TIAM1: variants seen among roughly 807,000 people sequenced by gnomAD.
The protein encoded by TIAM1 is rho guanine nucleotide exchange factor TIAM1.
In TIAM1, 65 loss-of-function variants were observed where a neutral mutation model predicts 163.5. The observed-to-expected ratio is 0.40, with a 90% CI of 0.33 to 0.49. TIAM1 has a LOEUF of 0.49. Among genes scored for constraint, TIAM1 ranks in the 20% least tolerant of loss-of-function variants. TIAM1 has a pLI of 0.77. For synonymous variants in TIAM1, 833 were observed against 810.1 expected (o/e 1.03, Z -0.48); for missense variants, 1,789 against 2,044.7 (o/e 0.87, Z 2.41).
chr21:31,468,924 T>G (rs6517038), intron 1 of TIAM1, among the ~76,000 whole-genome samples: 108,680 of 151,276 alleles, frequency 0.72, 39,972 homozygotes, highest in African/African-American at 0.84. Context: ...CAGGGATGAC[T>G]GTCGGAAGAG....
chr21:31,532,191 G>T (rs573400670), intron 1 of TIAM1, among the ~76,000 whole-genome samples: 12 of 152,188 alleles, frequency 7.9e-5, no homozygotes, highest in Non-Finnish European at 1.8e-4. Flanking sequence ...GCCATTTAAT[G>T]ATGCAAGGAC....
At chr21:31,435,396 A>G (rs1297778211) in intron 2 of TIAM1, among the ~76,000 whole-genome samples, 1 of 152,204 alleles carries the variant, frequency 6.6e-6, no homozygotes, top group Non-Finnish European at 1.5e-5. Context: ...TGCCTTGTCA[A>G]TTGTTGTAAA....
chr21:31,216,513 C>A (rs1601586895), intron 9 of TIAM1, among the ~76,000 whole-genome samples: 1 of 152,132 alleles, frequency 6.6e-6, no homozygotes, highest in African/African-American at 2.4e-5. Flanking sequence ...GAAATCTAAA[C>A]AAGCAGTTCT....
At chr21:31,476,061 T>C (rs1201137404) in intron 1 of TIAM1, among the ~76,000 whole-genome samples, 1 of 152,226 alleles carries the variant, frequency 6.6e-6, no homozygotes, top group Non-Finnish European at 1.5e-5. Flanking sequence ...AATTAAGACA[T>C]TTCTGTTGGA....
intron 2 of TIAM1, among the ~76,000 whole-genome samples, chr21:31,423,872 GGT>G (rs2043685951): frequency 9.4e-4 from 112 of 118,598 alleles, no homozygotes; most frequent in Admixed American, 1.4e-3. Flanking sequence ...GCGGGGGGGG[GGT>G]CAAGGGAGTT....
chr21:31,466,181 T>C (rs1212250618), intron 1 of TIAM1, among the ~76,000 whole-genome samples: 4 of 152,204 alleles, frequency 2.6e-5, no homozygotes, highest in Admixed American at 6.5e-5. Flanking sequence ...GTCATTGCAA[T>C]AGGGAGAAAG....
intron 1 of TIAM1, among the ~76,000 whole-genome samples, chr21:31,475,025 T>TATTATTATTATTATTA: frequency 8.4e-6 from 1 of 118,690 alleles, no homozygotes; most frequent in Admixed American, 8.1e-5. Flanking sequence ...GAGCTAGTTT[T>TATTATTATTATTATTA]TTATTATTAT....
At chr21:31,393,024 C>T (rs2076994776) in intron 2 of TIAM1, among the ~76,000 whole-genome samples, 1 of 150,506 alleles carries the variant, frequency 6.6e-6, no homozygotes, top group Middle Eastern at 3.4e-3. Context: ...GGTGCGATGT[C>T]AGCTCACAGC....
At chr21:31,320,523 T>A (rs988399108) in intron 2 of TIAM1, among the ~76,000 whole-genome samples, 1 of 152,150 alleles carries the variant, frequency 6.6e-6, no homozygotes, top group South Asian at 2.1e-4. Flanking sequence ...CAAAAAATAA[T>A]GGCTTTGGTC....
intron 9 of TIAM1, among the ~76,000 whole-genome samples, chr21:31,216,032 G>A (rs957475996): frequency 2.6e-5 from 4 of 152,100 alleles, no homozygotes; most frequent in Admixed American, 6.6e-5. Flanking sequence ...TTAGCTGCAC[G>A]TGGTGGTGAG....
intron 2 of TIAM1, among the ~76,000 whole-genome samples, chr21:31,401,937 G>A (rs1279102325): frequency 3.3e-5 from 5 of 151,530 alleles, no homozygotes; most frequent in South Asian, 2.1e-4. Context: ...ATTGGAGCCC[G>A]GGCATGGTGG....
intron 2 of TIAM1, among the ~76,000 whole-genome samples, chr21:31,299,915 C>A (rs968355395): frequency 6.6e-6 from 1 of 152,214 alleles, no homozygotes; most frequent in Non-Finnish European, 1.5e-5. Flanking sequence ...AACCAAAGGT[C>A]GGATCTTTCC....
intron 2 of TIAM1, among the ~76,000 whole-genome samples, chr21:31,372,996 G>A (rs1419155000): frequency 7.4e-5 from 11 of 149,452 alleles, no homozygotes; most frequent in African/African-American, 2.2e-4. Flanking sequence ...CAGAGGTTTC[G>A]GTGAGCCGAG....
At chr21:31,453,261 T>C (rs2044943478) in intron 2 of TIAM1, 5 of 234,676 alleles carry the variant, frequency 2.1e-5, no homozygotes, top group East Asian at 1.1e-4. Context: ...TTTCTAGTGG[T>C]AGAGGAAGCA....
intron 1 of TIAM1, among the ~76,000 whole-genome samples, chr21:31,536,101 G>C: frequency 6.6e-6 from 1 of 152,304 alleles, no homozygotes; most frequent in East Asian, 1.9e-4. Flanking sequence ...CAGAGAGGCC[G>C]GGGGTTGATG....
chr21:31,359,792 GAAAAAGAAAGAAAA>G (rs1456796790), intron 2 of TIAM1, among the ~76,000 whole-genome samples: 1 of 107,138 alleles, frequency 9.3e-6, no homozygotes, highest in Admixed American at 1.3e-4. Flanking sequence ...TGTCAAAAGA[GAAAAAGAAAGAAAA>G]AGGAAGGAAG....
At chr21:31,477,461 G>C (rs2045967384) in intron 1 of TIAM1, among the ~76,000 whole-genome samples, 1 of 145,730 alleles carries the variant, frequency 6.9e-6, no homozygotes, top group Admixed American at 7.3e-5. Flanking sequence ...ACTCAGGAAA[G>C]GGAACTAAAT....
At chr21:31,131,722 C>T (rs2082417956) in intron 23 of TIAM1, among the ~76,000 whole-genome samples, 1 of 152,206 alleles carries the variant, frequency 6.6e-6, no homozygotes, top group Non-Finnish European at 1.5e-5. Context: ...CTGCTATGGT[C>T]CAAATGTTTG....
Position 31,423,497 on chromosome 21 carries a change from A to G in TIAM1, c.-369+40486T>C, listed in dbSNP as rs79811946. Among the ~76,000 whole-genome samples the G allele has an allele frequency of 8.7e-3, 1,330 of 152,010 alleles. 24 individuals are homozygous for G. The highest frequency in any genetic ancestry group is 0.03 in the African/African-American group (1,228 of 41,374). ...CATTCAGAGAATCCACAGTTTCTCCATTATAGAAACTAGCACACTTGTGAT... is the reference window on the plus strand; with the variant it reads ...CATTCAGAGAATCCACAGTTTCTCCGTTATAGAAACTAGCACACTTGTGAT... On this transcript the variant is annotated intron_variant, in intron 2 of 28. Coordinates refer to the TIAM1 transcript ENST00000286827.
Sources: allele counts gnomAD v4.1 joint callset (sites outside exome capture counted in the v4.1 genomes callset), GRCh38; gene constraint gnomAD v4.1.1; transcripts MANE v1.5; gene names NCBI Gene and HGNC (gene_info 2026-07-23, HGNC 2026-07-21).